Variants in PPP1R37 observed in about 807,000 individuals in gnomAD.
The protein encoded by PPP1R37 is leucine rich repeat containing 68.
Under a neutral mutation model 61.0 loss-of-function variants are expected in PPP1R37, and 21 were observed. The ratio of observed to expected loss-of-function variants is 0.34; its 90% CI spans 0.24 to 0.50. The LOEUF (loss-of-function observed/expected upper bound fraction) is 0.50, where lower values mean the gene tolerates loss of function less well. PPP1R37 is among the 20% of genes least tolerant of loss of function. PPP1R37 has a pLI of 0.98. For synonymous variants in PPP1R37, 443 were observed against 433.5 expected, an observed-to-expected ratio of 1.02 and a Z score of -0.27; for missense variants, 910 against 952.7, an observed-to-expected ratio of 0.96 and a Z score of 0.59.
At chr19:45,143,471 C>T in intron 7 of PPP1R37, 50 bp from the exon 8 acceptor site, 1 of 1,181,098 alleles carries the variant, frequency 8.5e-7, no homozygotes, top group South Asian at 1.3e-5. Flanking sequence ...GTCCCCTCCC[C>T]AGGAAGCACC....
In PPP1R37 at chr19:45,143,808, C is replaced by A. The variant is rs928209609; in HGVS notation, c.987+175C>A. On this transcript the variant is annotated intron_variant, in intron 8 of 12. Transcript: ENST00000221462. The stretch of plus-strand genomic sequence containing the variant: ...CATTCAGCTTCTGTGCCTGTTTTCC[C>A]TGAGGAGGAGCCCTTCTTTCATTAT... The A allele has an allele frequency of 1.7e-5, 9 of 517,746 alleles. No homozygotes were observed. In the Admixed American group the frequency reaches 2.5e-4, roughly 14 times the overall value. The allele number at this position is 517,746 out of a possible 1,614,324, so 32.1% of individuals were successfully genotyped here.
intron 1 of PPP1R37, among the ~76,000 whole-genome samples, chr19:45,119,010 C>T (rs914442651): frequency 6.6e-6 from 1 of 151,684 alleles, no homozygotes; most frequent in East Asian, 1.9e-4. Flanking sequence ...GTTTTTGAGA[C>T]GGAGTCTCAT....
intron 1 of PPP1R37, chr19:45,129,073 G>A (rs1968444510): frequency 1.5e-6 from 1 of 649,482 alleles, no homozygotes; most frequent in Non-Finnish European, 2.9e-6. Flanking sequence ...GTGATCTTCT[G>A]AGACTGCAGA....
chr19:45,100,946 C>T (rs934856862), intron 1 of PPP1R37, among the ~76,000 whole-genome samples: 14 of 152,268 alleles, frequency 9.2e-5, no homozygotes, highest in African/African-American at 3.1e-4. Context: ...ATGTGATAGG[C>T]GCTCAATATA....
At position 45,144,911 on chromosome 19, in the gene PPP1R37, G is replaced by T; in HGVS notation, c.1045G>T (p.Gly349Cys). Residue 349 changes from glycine (G) to cysteine (C), a missense_variant, in exon 9 of 13, where the codon GGT becomes TGT. Around this residue, in one of 3 missense-constraint regions of PPP1R37, gnomAD observed 549 missense variants for 505.1 expected, o/e 1.09. Transcript: ENST00000221462. The part of the protein sequence containing the change: ...NLGHNPIGNE[G>C]VRHLKNGLIS... ...GGGCCACAACCCCATCGGGAACGAG[G>T]GTGTGCGGCACCTCAAGAACGGGCT... The T allele has an allele frequency of 6.5e-7, 1 of 1,535,716 alleles. No homozygotes were observed. Among genetic ancestry groups the T allele is most frequent in the Non-Finnish European group, 8.7e-7 (1 of 1,146,718 alleles).
At chr19:45,093,605 G>C in intron 1 of PPP1R37, 78 bp downstream of exon 1, 3 of 1,148,474 alleles carry the variant, frequency 2.6e-6, no homozygotes, top group Non-Finnish European at 3.7e-6. Context: ...GGCCCGGCTC[G>C]AGGTGGCGTT....
At chr19:45,120,666 T>G (rs968136089) in intron 1 of PPP1R37, among the ~76,000 whole-genome samples, 1 of 151,932 alleles carries the variant, frequency 6.6e-6, no homozygotes, top group African/African-American at 2.4e-5. Context: ...CTTGCTCTGT[T>G]GCCCAGGCTG....
intron 1 of PPP1R37, among the ~76,000 whole-genome samples, chr19:45,131,783 G>A (rs1156607946): frequency 2.0e-5 from 3 of 152,062 alleles, no homozygotes; most frequent in East Asian, 1.9e-4. Flanking sequence ...TTCTGATACC[G>A]GGAAGTGGCT....
chr19:45,115,380 T>C (rs1242983358), intron 1 of PPP1R37, among the ~76,000 whole-genome samples: 1 of 152,164 alleles, frequency 6.6e-6, no homozygotes, highest in East Asian at 1.9e-4. Flanking sequence ...GTGCTGTGTG[T>C]CCTTGGCACA....
At chr19:45,097,435 G>C (rs1568438281) in intron 1 of PPP1R37, among the ~76,000 whole-genome samples, 1 of 151,912 alleles carries the variant, frequency 6.6e-6, no homozygotes, top group Non-Finnish European at 1.5e-5. Context: ...GCAGCACTGG[G>C]GGCACCCCAG....
chr19:45,126,428 C>T (rs1047981343), intron 1 of PPP1R37, among the ~76,000 whole-genome samples: 2 of 152,088 alleles, frequency 1.3e-5, no homozygotes, highest in Admixed American at 6.5e-5. Context: ...GTGCTGTTGG[C>T]GACGGAGCAG....
chr19:45,144,942 G>A lies in PPP1R37; in HGVS notation c.1076G>A (p.Ser359Asn), dbSNP rs1281737719. Reference protein sequence around the residue: ...GVRHLKNGLISNRSVLRLGLA... With the variant: ...GVRHLKNGLINNRSVLRLGLA... ...CGGCACCTCAAGAACGGGCTCATCAGCAACCGCAGCGTGCTGCGCCTCGGG... is the reference window on the plus strand; with the variant it reads ...CGGCACCTCAAGAACGGGCTCATCAACAACCGCAGCGTGCTGCGCCTCGGG... The change falls in exon 9 of 13, where the codon AGC (serine) becomes AAC (asparagine). Residue 359 changes from serine to asparagine, a missense_variant. Coordinates refer to ENST00000221462, the MANE Select transcript of PPP1R37 (RefSeq NM_019121.2). 106 of 1,535,604 alleles carry A rather than the reference G, an allele frequency of 6.9e-5. No individual in the cohort carries two copies. The highest frequency in any genetic ancestry group is 8.9e-5 in the Non-Finnish European group (102 of 1,146,706).
Position 45,143,564 on chromosome 19 carries a change from G to A in PPP1R37, c.918G>A (p.Gly306=), listed in dbSNP as rs1186220593. The A allele has an allele frequency of 1.4e-5, 22 of 1,535,938 alleles. No homozygotes were observed. The highest frequency in any genetic ancestry group is 1.9e-5 in the Non-Finnish European group (22 of 1,146,750). ...ICEGLKEQRK[G]LVTLVLWNNQ... is the part of the protein sequence containing the mutation. ...AGGGCCTCAAGGAGCAGAGGAAGGG[G>A]CTGGTGACCCTGGTGCTGTGGAACA... The change falls in exon 8 of 13, where the codon GGG becomes GGA. Residue 306 remains glycine, a synonymous_variant. Coordinates refer to ENST00000221462, the MANE Select transcript of PPP1R37 (RefSeq NM_019121.2).
Position 45,130,499 on chromosome 19 carries a change from G to A in PPP1R37, c.203-8015G>A, listed in dbSNP as rs1365742855. On this transcript the variant is annotated intron_variant, in intron 1 of 12. Coordinates refer to ENST00000221462, the MANE Select transcript of PPP1R37 (RefSeq NM_019121.2). This position sits in a 1 kb window ranked among gnomAD's most constrained non-coding sequence, Gnocchi z 4.4. The stretch of plus-strand genomic sequence containing the variant: ...GCCCCAGTGGTTGCTGCCTGCCACG[G>A]GGTTTGCACAGGGACTGCGCAGTGG... 3.3e-5 allele frequency among the ~76,000 whole-genome samples: 5 copies of A among 152,124 alleles called. No homozygotes were observed. Among genetic ancestry groups the A allele is most frequent in the African/African-American group, 1.2e-4 (5 of 41,414 alleles).
At chr19:45,100,400 C>G (rs1968047547) in intron 1 of PPP1R37, 1 of 152,208 alleles carries the variant, frequency 6.6e-6, no homozygotes, top group Non-Finnish European at 1.5e-5. Flanking sequence ...CAGTCATTGC[C>G]TTCCATGTGC....
chr19:45,113,872 T>TCAC, intron 1 of PPP1R37, among the ~76,000 whole-genome samples: 1 of 152,274 alleles, frequency 6.6e-6, no homozygotes, highest in South Asian at 2.1e-4. Flanking sequence ...GGAGTGGGTG[T>TCAC]GGTCAGCGTT....
rs1282784195 is a variant in PPP1R37 at position 45,140,224 on chromosome 19, C to G, written c.301-12C>G. The G allele has an allele frequency of 3.3e-6, 5 of 1,535,602 alleles. No homozygotes were observed. Among genetic ancestry groups the G allele is most frequent in the Admixed American group, 3.9e-5 (2 of 50,992 alleles). On this transcript the variant is annotated splice_polypyrimidine_tract_variant and intron_variant, in intron 2 of 12. Coordinates refer to ENST00000221462, the MANE Select transcript of PPP1R37 (RefSeq NM_019121.2). ...AGTGTCTTCCTGCCTTAACCCCACT[C>G]TACTTTCTCAGGAATTCACAGACCT... is the stretch of plus-strand genomic sequence containing the variant.
chr19:45,107,993 A>G (rs1010491192), intron 1 of PPP1R37, among the ~76,000 whole-genome samples: 7 of 152,202 alleles, frequency 4.6e-5, no homozygotes, highest in Non-Finnish European at 8.8e-5. Context: ...GTCCTTGTCC[A>G]TAAATCTTCA....
intron 1 of PPP1R37, among the ~76,000 whole-genome samples, chr19:45,106,279 T>C (rs1293594310): frequency 2.6e-5 from 4 of 152,250 alleles, no homozygotes; most frequent in East Asian, 1.9e-4. Context: ...TTCGCTCTTG[T>C]TGCCCAGGCT....
Sources: gnomAD v4.1 joint callset for allele counts (sites outside exome capture counted in the v4.1 genomes callset) on GRCh38, gnomAD v4.1.1 for gene constraint, gnomAD v4.1.1 regional missense constraint, Gnocchi (gnomAD v3.1) non-coding constraint, MANE v1.5 for transcripts, NCBI Gene and HGNC (gene_info 2026-07-23, HGNC 2026-07-21) for gene names.